The following SLC12A9 variants were observed in gnomAD, a reference collection of about 807,000 sequenced individuals.
The protein encoded by SLC12A9 is solute carrier family 12 member 9.
SLC12A9 carries 55 observed loss-of-function variants against 66.0 expected under a neutral mutation model. The observed-to-expected ratio is 0.83, with a 90% CI of 0.67 to 1.04. SLC12A9 has a LOEUF of 1.04. Among genes scored for constraint, SLC12A9 ranks in the 50% least tolerant of loss-of-function variants. The pLI is 0.00. For synonymous variants in SLC12A9, 577 were observed against 569.0 expected, an observed-to-expected ratio of 1.01 and a Z score of -0.20; for missense variants, 1,061 against 1,241.9, an observed-to-expected ratio of 0.85 and a Z score of 2.19.
In SLC12A9 at chr7:100,857,075, TC is replaced by T. The variant is rs1163115160; in HGVS notation, c.658del (p.Arg220AlafsTer2). 6.2e-7 allele frequency: 1 copy of T among 1,614,190 alleles called. No individual in the cohort carries two copies. Among genetic ancestry groups the T allele is most frequent in the Non-Finnish European group, 8.5e-7 (1 of 1,180,030 alleles). On this transcript the variant is annotated frameshift_variant, in exon 5 of 14. Coordinates refer to ENST00000354161, the MANE Select transcript of SLC12A9 (RefSeq NM_020246.4). LOFTEE classifies it high-confidence loss of function. ...TTTGTGGCTGTGGGGCCGAGGGACATCCGCTTGACTCCTAGGCCTGGCCCCA... is the reference window on the plus strand; with the variant it reads ...TTTGTGGCTGTGGGGCCGAGGGACATCGCTTGACTCCTAGGCCTGGCCCCA... ...ISFVAVGPRD[I>X]RLTPRPGPNG...
At chr7:100,832,771 T>C (rs528902832) in intron 1 of SLC12A9, among the ~76,000 whole-genome samples, 1 of 152,280 alleles carries the variant, frequency 6.6e-6, no homozygotes, top group Admixed American at 6.5e-5. Flanking sequence ...AAAGATTTTA[T>C]ACCTTTTTTT....
At chr7:100,830,299 GCTGAAATCGTGCCA>G in intron 1 of SLC12A9, among the ~76,000 whole-genome samples, 2 of 152,168 alleles carry the variant, frequency 1.3e-5, no homozygotes, top group Non-Finnish European at 2.9e-5. Flanking sequence ...GTTGCAGTGA[GCTGAAATCGTGCCA>G]CTGCACTCCA....
intron 13 of SLC12A9, 134 bp from the exon 14 acceptor site, chr7:100,865,585 G>A (rs188126970): frequency 5.9e-4 from 927 of 1,571,404 alleles, no homozygotes; most frequent in Non-Finnish European, 7.2e-4. Context: ...GAATGTTGCC[G>A]TAAGAGCCCG....
chr7:100,840,838 C>T (rs1813772765), intron 1 of SLC12A9, among the ~76,000 whole-genome samples: 1 of 152,082 alleles, frequency 6.6e-6, no homozygotes, highest in Middle Eastern at 3.4e-3. Context: ...AGGTATTCTC[C>T]GTAACCCTGT....
chr7:100,835,332 G>A (rs188915974), intron 1 of SLC12A9, among the ~76,000 whole-genome samples: 133 of 145,998 alleles, frequency 9.1e-4, no homozygotes, highest in African/African-American at 3.2e-3. Context: ...TCCAGCCGGG[G>A]CAACAAAGCG....
chr7:100,863,736 C>T (rs186505194), intron 13 of SLC12A9, among the ~76,000 whole-genome samples: 316 of 152,330 alleles, frequency 2.1e-3, no homozygotes, highest in African/African-American at 7.4e-3. Flanking sequence ...TGCTCAGTCA[C>T]TGCCTTTTCC....
In SLC12A9 at chr7:100,861,861, T is replaced by C. The variant is rs1814778083; in HGVS notation, c.1661T>C (p.Leu554Pro). The C allele has an allele frequency of 6.2e-7, 1 of 1,613,594 alleles. No homozygotes were observed. Among genetic ancestry groups the C allele is most frequent in the Non-Finnish European group, 8.5e-7 (1 of 1,179,860 alleles). ...ALPLLRLANQ[L>P]KKGGLYVLGH... is the part of the protein sequence containing the mutation. Reference sequence around the variant, plus strand: ...CCTCTGCTGCGGTTGGCCAACCAGCTTAAGAAGGGGGGGCTGTATGTGCTG... The same window carrying C: ...CCTCTGCTGCGGTTGGCCAACCAGCCTAAGAAGGGGGGGCTGTATGTGCTG... The change falls in exon 12 of 14, where the codon CTT becomes CCT. Residue 554 changes from leucine (L) to proline (P), a missense_variant. By Grantham distance (98) the Leu-to-Pro change is moderately conservative. Coordinates refer to ENST00000354161, the MANE Select transcript of SLC12A9 (RefSeq NM_020246.4). This position sits in a 1 kb window ranked among gnomAD's most constrained non-coding sequence, Gnocchi z 5.3.
chr7:100,851,148 C>T (rs546534022), upstream of SLC12A9, among the ~76,000 whole-genome samples: 7 of 152,084 alleles, frequency 4.6e-5, no homozygotes, highest in African/African-American at 1.7e-4. Context: ...TGACCCACTG[C>T]ACCCAGCTCC....
chr7:100,830,012 A>G (rs1813511507), intron 1 of SLC12A9, among the ~76,000 whole-genome samples: 1 of 151,858 alleles, frequency 6.6e-6, no homozygotes, highest in Admixed American at 6.6e-5. Flanking sequence ...TGGGCAACAG[A>G]GCCACACTCT....
intron 1 of SLC12A9, chr7:100,853,204 G>A (rs1048333056): frequency 5.9e-5 from 9 of 152,160 alleles, no homozygotes; most frequent in Admixed American, 4.6e-4. Context: ...TGGGGGGCTT[G>A]GTAGGGGCAG....
At chr7:100,831,175 C>A (rs988590002) in intron 1 of SLC12A9, among the ~76,000 whole-genome samples, 1 of 152,156 alleles carries the variant, frequency 6.6e-6, no homozygotes, top group African/African-American at 2.4e-5. Context: ...TTTTTCTTTT[C>A]TTTTGTATTT....
chr7:100,834,340 G>A (rs923082234), intron 1 of SLC12A9, among the ~76,000 whole-genome samples: 13 of 152,152 alleles, frequency 8.5e-5, no homozygotes, highest in African/African-American at 1.9e-4. Flanking sequence ...AGGTCATTAC[G>A]GGTTTTTGCA....
At chr7:100,850,566 G>C (rs1007668332), upstream of SLC12A9, among the ~76,000 whole-genome samples, 1 of 151,146 alleles carries the variant, frequency 6.6e-6, no homozygotes, top group Non-Finnish European at 1.5e-5. Context: ...TTTGAGACAG[G>C]GTCTCACTCT....
At chr7:100,858,682 A>G (rs1388527318) in intron 5 of SLC12A9, 153 bp from the exon 6 acceptor site, 7 of 657,624 alleles carry the variant, frequency 1.1e-5, no homozygotes, top group Middle Eastern at 4.1e-4. Flanking sequence ...TGTCTGGCTG[A>G]CCCAGGGCCA....
chr7:100,839,349 C>T (rs1020493065), intron 1 of SLC12A9, among the ~76,000 whole-genome samples: 1 of 152,082 alleles, frequency 6.6e-6, no homozygotes, highest in Non-Finnish European at 1.5e-5. Flanking sequence ...AGGAATTGCT[C>T]ACTCAGGGAG....
Position 100,866,563 on chromosome 7 carries a change from G to C in SLC12A9, c.2703G>C (p.Leu901=). The C allele has an allele frequency of 6.3e-7, 1 of 1,588,472 alleles. No homozygotes were observed. Among genetic ancestry groups the C allele is most frequent in the East Asian group, 2.3e-5 (1 of 43,968 alleles). ...ETLTRDLGPT[L]LVHGVTPVTC... is the part of the protein sequence containing the mutation. ...TAACCCGAGACCTGGGCCCCACGCT[G>C]CTGGTTCATGGGGTCACTCCAGTCA... The change falls in exon 14 of 14, where the codon CTG becomes CTC. Residue 901 remains leucine, a synonymous_variant. Transcript: ENST00000354161. The surrounding 1 kb of genome is among the most constrained non-coding windows in gnomAD (Gnocchi z 7.3).
chr7:100,851,938 T>C (rs1814096980), upstream of SLC12A9, among the ~76,000 whole-genome samples: 1 of 152,168 alleles, frequency 6.6e-6, no homozygotes, highest in Admixed American at 6.5e-5. Flanking sequence ...CCTTTAGGCG[T>C]TGTTCTAAAG....
intron 13 of SLC12A9, among the ~76,000 whole-genome samples, chr7:100,863,591 GT>G (rs1814896291): frequency 6.6e-6 from 1 of 152,220 alleles, no homozygotes; most frequent in Non-Finnish European, 1.5e-5. Flanking sequence ...AGGTTGGGAT[GT>G]AGGAGATGTA....
chr7:100,861,604 C>G lies in SLC12A9; in HGVS notation c.1536+20C>G, dbSNP rs199936736. 1 of 1,609,702 alleles carries G rather than the reference C, an allele frequency of 6.2e-7. No individual in the cohort carries two copies. Among genetic ancestry groups the G allele is most frequent in the Non-Finnish European group, 8.5e-7 (1 of 1,177,268 alleles). On this transcript the variant is annotated intron_variant, in intron 11 of 13. Coordinates refer to ENST00000354161, the MANE Select transcript of SLC12A9 (RefSeq NM_020246.4). The surrounding 1 kb of genome is among the most constrained non-coding windows in gnomAD (Gnocchi z 5.3). ...CACCAGGTATGGGGAGCTGGTGGGGCGGTGGGGAAATGGGAGGTGGTCAAA... is the reference window on the plus strand; with the variant it reads ...CACCAGGTATGGGGAGCTGGTGGGGGGGTGGGGAAATGGGAGGTGGTCAAA...
Sources: gnomAD v4.1 joint callset for allele counts (sites outside exome capture counted in the v4.1 genomes callset) on GRCh38, gnomAD v4.1.1 for gene constraint, Gnocchi (gnomAD v3.1) non-coding constraint, MANE v1.5 for transcripts, NCBI Gene and HGNC (gene_info 2026-07-23, HGNC 2026-07-21) for gene names.